The following LARS2 variants were observed in gnomAD, a reference collection of about 807,000 sequenced individuals.
LARS2 encodes the protein leucyl-tRNA synthetase 2, mitochondrial.
A neutral mutation model predicts 116.6 loss-of-function variants in LARS2; 81 were observed. The ratio of observed to expected loss-of-function variants is 0.69; its 90% CI spans 0.58 to 0.84. LARS2 has a LOEUF of 0.84. LARS2 is among the 40% of genes least tolerant of loss of function. LARS2 has a pLI of 0.00. For missense variants in LARS2, 968 were observed against 1,114.5 expected (o/e 0.87, Z 1.87); for synonymous variants, 396 against 407.2 (o/e 0.97, Z 0.33).
intron 6 of LARS2, chr3:45,422,218 G>GT (rs1258500694): frequency 6.6e-6 from 1 of 151,982 alleles, no homozygotes; most frequent in Non-Finnish European, 1.5e-5. Flanking sequence ...TGATTGTGAG[G>GT]TTTTTTCATG....
chr3:45,392,216 C>A (rs1230874297), intron 2 of LARS2, among the ~76,000 whole-genome samples: 1 of 152,024 alleles, frequency 6.6e-6, no homozygotes, highest in African/African-American at 2.4e-5. Flanking sequence ...AACATTTAAC[C>A]AATTTCATAT....
intron 9 of LARS2, among the ~76,000 whole-genome samples, chr3:45,474,797 T>C (rs1699585180): frequency 6.6e-6 from 1 of 152,112 alleles, no homozygotes; most frequent in African/African-American, 2.4e-5. Context: ...TGTTTGGGCA[T>C]TTTCCTGAGC....
intron 18 of LARS2, among the ~76,000 whole-genome samples, chr3:45,519,204 A>G (rs1035359010): frequency 6.6e-6 from 1 of 152,164 alleles, no homozygotes; most frequent in African/African-American, 2.4e-5. Flanking sequence ...TTCAAAATGT[A>G]AAATTGACAA....
intron 11 of LARS2, 37 bp from the exon 12 acceptor site, chr3:45,488,660 G>A (rs1408902194): frequency 7.6e-7 from 1 of 1,312,780 alleles, no homozygotes. Flanking sequence ...TTGGGCACTT[G>A]TGAAGGAAAT....
intron 13 of LARS2, among the ~76,000 whole-genome samples, chr3:45,493,081 G>A (rs1451958654): frequency 1.3e-5 from 2 of 151,944 alleles, no homozygotes; most frequent in African/African-American, 4.8e-5. Context: ...AGGCCTTGGT[G>A]TTGGGCAAGG....
intron 15 of LARS2, among the ~76,000 whole-genome samples, chr3:45,511,557 A>G (rs1166036124): frequency 1.3e-5 from 2 of 151,910 alleles, no homozygotes; most frequent in Non-Finnish European, 2.9e-5. Context: ...TATGTGTGCT[A>G]TACCTCAACA....
intron 4 of LARS2, among the ~76,000 whole-genome samples, chr3:45,415,891 A>G (rs202175006): frequency 1.2e-4 from 11 of 95,622 alleles, no homozygotes; most frequent in African/African-American, 6.7e-4. Flanking sequence ...AGAGAGAGAG[A>G]GGGAGAGAGA....
chr3:45,494,509 G>T (rs188783085), intron 13 of LARS2, among the ~76,000 whole-genome samples: 1 of 152,188 alleles, frequency 6.6e-6, no homozygotes, highest in Admixed American at 6.5e-5. Flanking sequence ...GAGGGGCGAT[G>T]AGCTTCACAT....
chr3:45,449,756 A>G (rs1435702676), intron 7 of LARS2, among the ~76,000 whole-genome samples: 4 of 152,252 alleles, frequency 2.6e-5, no homozygotes, highest in African/African-American at 9.6e-5. Flanking sequence ...TTTTTGGAAT[A>G]AACTTTATAA....
intron 6 of LARS2, among the ~76,000 whole-genome samples, chr3:45,430,837 G>A (rs941741380): frequency 2.6e-5 from 4 of 151,516 alleles, no homozygotes; most frequent in African/African-American, 7.3e-5. Context: ...CGCCCATCTC[G>A]GCCTCCCAAA....
At chr3:45,473,920 A>T (rs908478413) in intron 8 of LARS2, among the ~76,000 whole-genome samples, 4 of 152,164 alleles carry the variant, frequency 2.6e-5, no homozygotes, top group African/African-American at 7.2e-5. Flanking sequence ...TTTAGTTCCT[A>T]GACTATGGGA....
At chr3:45,421,180 CCTT>C (rs371890248) in intron 6 of LARS2, 4 of 152,188 alleles carry the variant, frequency 2.6e-5, no homozygotes, top group African/African-American at 9.6e-5. Context: ...GATTCTCAAT[CCTT>C]CTTGTTCAAA....
chr3:45,473,392 GT>G (rs71617894), intron 8 of LARS2, among the ~76,000 whole-genome samples: 4 of 148,064 alleles, frequency 2.7e-5, no homozygotes, highest in African/African-American at 2.5e-5. Flanking sequence ...TTTGTTTTTT[GT>G]TTTTTTTTTG....
chr3:45,446,701 G>A (rs1268480089), intron 6 of LARS2, among the ~76,000 whole-genome samples, 190 bp from the exon 7 acceptor site: 1 of 152,156 alleles, frequency 6.6e-6, no homozygotes, highest in Non-Finnish European at 1.5e-5. Context: ...GGTGTAGGTG[G>A]CATTTCAATA....
At chr3:45,530,298 G>A (rs2624672) in intron 20 of LARS2, among the ~76,000 whole-genome samples, 121,847 of 152,162 alleles carry the variant, frequency 0.8, 52,914 homozygotes, top group East Asian at 0.98. Context: ...CGAGGCGGGC[G>A]GATCATGAGG....
chr3:45,477,187 T>A (rs1699628972), intron 10 of LARS2, among the ~76,000 whole-genome samples: 1 of 152,214 alleles, frequency 6.6e-6, no homozygotes, highest in African/African-American at 2.4e-5. Context: ...ACTTGGTCTG[T>A]GAAGATTTGA....
chr3:45,500,560 C>CA lies in LARS2; in HGVS notation c.1747dup (p.Met583AsnfsTer3). 1 of 1,562,370 alleles carries CA rather than the reference C, an allele frequency of 6.4e-7. No individual in the cohort carries two copies. Among genetic ancestry groups the CA allele is most frequent in the Non-Finnish European group, 8.6e-7 (1 of 1,162,298 alleles). On this transcript the variant is annotated frameshift_variant, in exon 15 of 22. Transcript: ENST00000645846. LOFTEE classifies it high-confidence loss of function. ...ATTCTTTAGTCATTTTTGCCATGAT[C>CA]AAAAAATGGTTAAACATAGGTAAGC...
chr3:45,422,880 G>T (rs1698537546), intron 6 of LARS2, among the ~76,000 whole-genome samples: 1 of 152,108 alleles, frequency 6.6e-6, no homozygotes, highest in African/African-American at 2.4e-5. Flanking sequence ...CAAATATATG[G>T]GGGAAACCTT....
intron 8 of LARS2, among the ~76,000 whole-genome samples, chr3:45,466,797 A>G (rs1699432637): frequency 1.3e-5 from 2 of 151,904 alleles, no homozygotes; most frequent in African/African-American, 2.4e-5. Flanking sequence ...GCTCACTGCA[A>G]CCTCCACCTC....
Sources: allele counts gnomAD v4.1 joint callset (sites outside exome capture counted in the v4.1 genomes callset), GRCh38; gene constraint gnomAD v4.1.1; transcripts MANE v1.5; gene names NCBI Gene and HGNC (gene_info 2026-07-23, HGNC 2026-07-21).